Variants in OR9Q1 observed in about 807,000 individuals in gnomAD.
The protein encoded by OR9Q1 is olfactory receptor family 9 subfamily Q member 1.
For missense variants in OR9Q1, 374 were observed against 378.8 expected (o/e 0.99, Z 0.11); for synonymous variants, 153 against 148.6 (o/e 1.03, Z -0.22).
At chr11:58,150,375 G>A (rs904184289) in intron 2 of OR9Q1, among the ~76,000 whole-genome samples, 1 of 152,122 alleles carries the variant, frequency 6.6e-6, no homozygotes, top group African/African-American at 2.4e-5. Flanking sequence ...GGTATCAAGC[G>A]ATCCTCCTAC....
At chr11:58,158,407 G>A (rs1854427382) in intron 2 of OR9Q1, among the ~76,000 whole-genome samples, 3 of 144,350 alleles carry the variant, frequency 2.1e-5, no homozygotes, top group African/African-American at 7.7e-5. Context: ...TATAAACATA[G>A]CCGCCTAGGT....
chr11:58,117,764 A>T (rs940664664), intron 2 of OR9Q1: 1 of 152,164 alleles, frequency 6.6e-6, no homozygotes, highest in East Asian at 1.9e-4. Context: ...TTCAGAAATG[A>T]GAGAGCTTGA....
intron 2 of OR9Q1, among the ~76,000 whole-genome samples, chr11:58,146,562 G>A (rs1464073921): frequency 1.3e-5 from 2 of 152,132 alleles, no homozygotes; most frequent in African/African-American, 4.8e-5. Context: ...TTGGGATATA[G>A]ATAATCAACC....
At chr11:58,112,014 G>T (rs962626368) in intron 2 of OR9Q1, among the ~76,000 whole-genome samples, 6 of 152,134 alleles carry the variant, frequency 3.9e-5, no homozygotes, top group Non-Finnish European at 5.9e-5. Flanking sequence ...TGGGCCAGGT[G>T]TGGTGGCTCA....
At chr11:58,111,899 T>A (rs1853904872) in intron 2 of OR9Q1, among the ~76,000 whole-genome samples, 1 of 152,020 alleles carries the variant, frequency 6.6e-6, no homozygotes, top group South Asian at 2.1e-4. Context: ...GGGGTGGGCA[T>A]GGAAATTTTG....
At position 58,118,840 on chromosome 11, in the gene OR9Q1, A is replaced by G. The variant is rs760508966; in HGVS notation, c.-14-60591A>G. On this transcript the variant is annotated intron_variant, in intron 2 of 2. Coordinates refer to ENST00000335397, the MANE Select transcript of OR9Q1 (RefSeq NM_001005212.4). ...ATTGGCCAAAATCACAAAATTGCCAAAGAAGATGATGACAATCTCGATGTT... is the reference window on the plus strand; with the variant it reads ...ATTGGCCAAAATCACAAAATTGCCAGAGAAGATGATGACAATCTCGATGTT... The G allele has an allele frequency of 1.9e-5, 31 of 1,613,946 alleles. No individual in the cohort carries two copies. Among genetic ancestry groups the G allele is most frequent in the South Asian group, 3.3e-5 (3 of 91,084 alleles).
intron 2 of OR9Q1, among the ~76,000 whole-genome samples, chr11:58,157,244 G>T (rs905348005): frequency 6.6e-6 from 1 of 152,096 alleles, no homozygotes; most frequent in Admixed American, 6.6e-5. Context: ...TCCTACCAGG[G>T]TCGCTCCTAC....
intron 2 of OR9Q1, among the ~76,000 whole-genome samples, chr11:58,088,879 T>C (rs3133385): frequency 0.017 from 2,540 of 150,636 alleles, 136 homozygotes; most frequent in African/African-American, 0.058. Flanking sequence ...CAATTGCTTC[T>C]TTTTTTTTGT....
intron 2 of OR9Q1, among the ~76,000 whole-genome samples, chr11:58,137,571 T>C (rs1854201395): frequency 6.6e-6 from 1 of 152,178 alleles, no homozygotes; most frequent in Admixed American, 6.5e-5. Context: ...GTAAAGCCAC[T>C]AGAAAAGTCC....
chr11:58,048,677 A>T (rs71460552), intron 1 of OR9Q1, among the ~76,000 whole-genome samples: 44,515 of 109,620 alleles, frequency 0.41, 7,783 homozygotes, highest in Middle Eastern at 0.47. Flanking sequence ...CTTAAAAAAA[A>T]AAATATATAT....
intron 1 of OR9Q1, among the ~76,000 whole-genome samples, chr11:58,045,605 A>G (rs1435093070): frequency 2.0e-5 from 3 of 152,158 alleles, no homozygotes; most frequent in Non-Finnish European, 2.9e-5. Flanking sequence ...TATCATAGTG[A>G]CCAGAATCAT....
chr11:58,113,115 G>A (rs750009390), intron 2 of OR9Q1, among the ~76,000 whole-genome samples: 37 of 152,128 alleles, frequency 2.4e-4, no homozygotes, highest in Non-Finnish European at 4.7e-4. Context: ...CTCAGCAGGT[G>A]GGTGCTGCCA....
intron 2 of OR9Q1, among the ~76,000 whole-genome samples, chr11:58,173,041 G>A (rs1041928418): frequency 3.3e-5 from 5 of 151,908 alleles, no homozygotes; most frequent in African/African-American, 1.2e-4. Context: ...GGTTGGAAGG[G>A]ACAAATAAAA....
intron 2 of OR9Q1, among the ~76,000 whole-genome samples, chr11:58,104,331 A>G (rs756978789): frequency 3.4e-5 from 5 of 147,490 alleles, no homozygotes; most frequent in African/African-American, 4.9e-5. Flanking sequence ...AGAAAGGCCA[A>G]TTCTCAGTTG....
intron 2 of OR9Q1, among the ~76,000 whole-genome samples, chr11:58,168,649 T>C (rs1462658885): frequency 1.3e-5 from 2 of 152,194 alleles, no homozygotes; most frequent in Non-Finnish European, 2.9e-5. Flanking sequence ...GGTTTGTCTA[T>C]TGTATTGCAA....
At chr11:58,122,500 C>T (rs147126538) in intron 2 of OR9Q1, among the ~76,000 whole-genome samples, 1 of 152,286 alleles carries the variant, frequency 6.6e-6, no homozygotes, top group Non-Finnish European at 1.5e-5. Context: ...TTGTTTCTCA[C>T]AATCCATGAT....
chr11:58,031,125 G>A lies in OR9Q1; in HGVS notation c.-93+7021G>A, dbSNP rs774364450. 1.7e-5 allele frequency: 28 copies of A among 1,614,016 alleles called. No homozygotes were observed. Among genetic ancestry groups the A allele is most frequent in the East Asian group, 4.5e-5 (2 of 44,884 alleles). ...GTGGTGGGTTTGGACCACCGACTACGGAGACCCATGTATTTCTTCCTGACA... is the reference window on the plus strand; with the variant it reads ...GTGGTGGGTTTGGACCACCGACTACAGAGACCCATGTATTTCTTCCTGACA... On this transcript the variant is annotated intron_variant, in intron 1 of 2. Transcript: ENST00000335397.
chr11:58,054,384 C>G (rs1853306531), intron 1 of OR9Q1, among the ~76,000 whole-genome samples: 1 of 152,154 alleles, frequency 6.6e-6, no homozygotes, highest in African/African-American at 2.4e-5. Flanking sequence ...TTCTACTGTT[C>G]TTTTCCATTG....
At chr11:58,172,861 A>T (rs953365508) in intron 2 of OR9Q1, among the ~76,000 whole-genome samples, 1 of 152,158 alleles carries the variant, frequency 6.6e-6, no homozygotes, top group East Asian at 1.9e-4. Flanking sequence ...ATGTACAATT[A>T]AATTATTAGT....
Sources: allele counts gnomAD v4.1 joint callset (sites outside exome capture counted in the v4.1 genomes callset), GRCh38; gene constraint gnomAD v4.1.1; transcripts MANE v1.5; gene names NCBI Gene and HGNC (gene_info 2026-07-23, HGNC 2026-07-21).